OSBPL5: variants seen among roughly 807,000 people sequenced by gnomAD.
OSBPL5 encodes the protein oxysterol binding protein like 5, also known as oxysterol-binding protein-related protein 5.
Under a neutral mutation model 111.2 loss-of-function variants are expected in OSBPL5, and 71 were observed. The observed-to-expected ratio is 0.64, with a 90% CI of 0.53 to 0.78. OSBPL5 has a LOEUF of 0.78. OSBPL5 is among the 30% of genes least tolerant of loss of function. The probability of loss-of-function intolerance (pLI) is 0.00; values close to 1 mark genes in which losing one functional copy is unlikely to be tolerated. For missense variants in OSBPL5, 1,210 were observed against 1,189.3 expected (o/e 1.02, Z -0.26); for synonymous variants, 549 against 513.9 (o/e 1.07, Z -0.93).
At chr11:3,115,476 A>G (rs745521330) in intron 7 of OSBPL5, among the ~76,000 whole-genome samples, 6 of 152,326 alleles carry the variant, frequency 3.9e-5, no homozygotes, top group Non-Finnish European at 8.8e-5. Flanking sequence ...GAAGATGCCA[A>G]TCAAAATAAA....
intron 13 of OSBPL5, 37 bp downstream of exon 13, chr11:3,101,566 C>T (rs1857455978): frequency 6.4e-7 from 1 of 1,574,142 alleles, no homozygotes; most frequent in South Asian, 1.1e-5. Flanking sequence ...TCGCATTTCC[C>T]TGAGGCCCCA....
At chr11:3,150,380 G>A (rs577618776) in intron 1 of OSBPL5, among the ~76,000 whole-genome samples, 3 of 152,036 alleles carry the variant, frequency 2.0e-5, no homozygotes, top group East Asian at 1.9e-4. Context: ...GTTGTCTTCC[G>A]GGCACCTGGG....
At position 3,140,949 on chromosome 11, in the gene OSBPL5, C is replaced by G. The variant is rs1846091585; in HGVS notation, c.-21-11780G>C. ...TGACCACCTCAGAGCCACTCCTTCC[C>G]CGATGCCATCTGTCAAGGGTCAGGG... On this transcript the variant is annotated intron_variant, in intron 1 of 21. Transcript: ENST00000263650. This position sits in a 1 kb window ranked among gnomAD's most constrained non-coding sequence, Gnocchi z 4.5. Among the ~76,000 whole-genome samples the G allele has an allele frequency of 6.6e-6, 1 of 152,084 alleles. No homozygotes were observed.
At chr11:3,094,928 T>C (rs1857205167) in intron 14 of OSBPL5, 1 of 152,164 alleles carries the variant, frequency 6.6e-6, no homozygotes, top group African/African-American at 2.4e-5. Context: ...ATGTCTGGCA[T>C]ATGGAGGAGG....
intron 1 of OSBPL5, among the ~76,000 whole-genome samples, chr11:3,129,792 C>T (rs527779716): frequency 2.6e-5 from 4 of 152,332 alleles, no homozygotes; most frequent in African/African-American, 7.2e-5. Context: ...GAGCTCTGGG[C>T]GCTCACAGCC....
At chr11:3,145,729 T>G (rs12277346) in intron 1 of OSBPL5, among the ~76,000 whole-genome samples, 13,192 of 152,230 alleles carry the variant, frequency 0.087, 640 homozygotes, top group African/African-American at 0.14. Flanking sequence ...CTGTGCAGTT[T>G]ACAGATGAGA....
rs1050185611 is a variant in OSBPL5 at position 3,162,427 on chromosome 11, C to T, written c.-22+2789G>A. On this transcript the variant is annotated intron_variant, in intron 1 of 21. Transcript: ENST00000263650. This position sits in a 1 kb window ranked among gnomAD's most constrained non-coding sequence, Gnocchi z 8.1. Reference sequence around the variant, plus strand: ...CCCCTCCCCATCTCCCACCTCAAGCCCTGGTCCTGAGGACACAGCTGGTGC... The same window carrying T: ...CCCCTCCCCATCTCCCACCTCAAGCTCTGGTCCTGAGGACACAGCTGGTGC... Among the ~76,000 whole-genome samples the T allele has an allele frequency of 4.6e-5, 7 of 152,050 alleles. No homozygotes were observed. Among genetic ancestry groups the T allele is most frequent in the Admixed American group, 3.9e-4 (6 of 15,270 alleles).
At chr11:3,128,962 C>T in intron 2 of OSBPL5, 51 bp downstream of exon 2, 1 of 1,434,818 alleles carries the variant, frequency 7.0e-7, no homozygotes, top group Non-Finnish European at 9.2e-7. Flanking sequence ...GGGGTCACCC[C>T]ACCGGGCCCA....
intron 21 of OSBPL5, 102 bp from the exon 22 acceptor site, chr11:3,088,445 AC>A: frequency 7.7e-7 from 1 of 1,295,312 alleles, no homozygotes; most frequent in Non-Finnish European, 9.9e-7. Flanking sequence ...GGTGCTGGAC[AC>A]AGGGCCGAGG....
chr11:3,121,304 C>A lies in OSBPL5; in HGVS notation c.403-680G>T, dbSNP rs3741347. Among the ~76,000 whole-genome samples, 57 of 152,254 alleles carry A rather than the reference C, an allele frequency of 3.7e-4. No homozygotes were observed. In the East Asian group the frequency reaches 0.011, roughly 28 times the overall value. On this transcript the variant is annotated intron_variant, in intron 5 of 21. Transcript: ENST00000263650. This position sits in a 1 kb window ranked among gnomAD's most constrained non-coding sequence, Gnocchi z 4.3. ...AACTCCTGACCTCAGGTGATCCACC[C>A]GCCTTAGCCTCCCAAAGTGTTGGGA...
rs1368168735 is a variant in OSBPL5 at position 3,087,375 on chromosome 11, A to C, written c.*830T>G. The C allele has an allele frequency of 6.5e-6, 1 of 154,802 alleles. No homozygotes were observed. Among genetic ancestry groups the C allele is most frequent in the African/African-American group, 2.4e-5 (1 of 41,536 alleles). 9.6% of individuals were successfully genotyped at this position (154,802 alleles called of 1,614,324 possible). ...GACGTGAAGGCTGACTGCAGCTCGC[A>C]GCCCACCTAAAATATTGCAATTATG... On this transcript the variant is annotated 3_prime_UTR_variant, in exon 22 of 22. Transcript: ENST00000263650.
chr11:3,132,698 T>A (rs1845845440), intron 1 of OSBPL5, among the ~76,000 whole-genome samples: 2 of 152,178 alleles, frequency 1.3e-5, no homozygotes, highest in Non-Finnish European at 2.9e-5. Context: ...AGCTTCAATG[T>A]CACTTCCCGG....
At chr11:3,088,446 CAG>C (rs1450141563) in intron 21 of OSBPL5, 103 bp from the exon 22 acceptor site, 13 of 1,285,582 alleles carry the variant, frequency 1.0e-5, no homozygotes, top group Admixed American at 7.4e-5. Flanking sequence ...GTGCTGGACA[CAG>C]GGCCGAGGTG....
At chr11:3,114,471 A>G (rs1858130407) in intron 7 of OSBPL5, among the ~76,000 whole-genome samples, 1 of 152,262 alleles carries the variant, frequency 6.6e-6, no homozygotes, top group South Asian at 2.1e-4. Context: ...GATCTATTAA[A>G]AAAAAACCCT....
intron 1 of OSBPL5, among the ~76,000 whole-genome samples, chr11:3,152,006 A>C (rs1380039459): frequency 6.6e-6 from 1 of 152,254 alleles, no homozygotes; most frequent in African/African-American, 2.4e-5. Context: ...CCAGCAGTAC[A>C]GGTGGCCTTC....
intron 2 of OSBPL5, among the ~76,000 whole-genome samples, chr11:3,127,936 C>T (rs1287418495): frequency 3.9e-5 from 6 of 152,202 alleles, no homozygotes; most frequent in Non-Finnish European, 7.3e-5. Context: ...CTAGTTGGTC[C>T]GAGTCCCTCT....
chr11:3,115,386 T>C (rs1293232363), intron 7 of OSBPL5, among the ~76,000 whole-genome samples: 1 of 152,210 alleles, frequency 6.6e-6, no homozygotes, highest in Non-Finnish European at 1.5e-5. Context: ...GGGATTTGAC[T>C]CATGGGTCTA....
intron 1 of OSBPL5, among the ~76,000 whole-genome samples, chr11:3,156,969 T>C (rs4444061): frequency 0.64 from 96,669 of 152,148 alleles, 31,659 homozygotes; most frequent in African/African-American, 0.77. Context: ...GCTAAGCCCA[T>C]GCTCCAAGCA....
chr11:3,117,137 C>T (rs4356205), intron 7 of OSBPL5, among the ~76,000 whole-genome samples: 152,198 of 152,370 alleles, frequency 1, 76,016 homozygotes, highest in Non-Finnish European at 1. Context: ...AGGACACAAT[C>T]GGAGAAATTG....
Sources: gnomAD v4.1 joint callset for allele counts (sites outside exome capture counted in the v4.1 genomes callset) on GRCh38, gnomAD v4.1.1 for gene constraint, Gnocchi (gnomAD v3.1) non-coding constraint, MANE v1.5 for transcripts, NCBI Gene and HGNC (gene_info 2026-07-23, HGNC 2026-07-21) for gene names.